Variants in AFAP1 observed in about 807,000 individuals in gnomAD.
AFAP1 encodes actin filament associated protein 1.
In AFAP1, 75 loss-of-function variants were observed where a neutral mutation model predicts 93.9. The ratio of observed to expected loss-of-function variants is 0.80; its 90% CI spans 0.66 to 0.97. The LOEUF is 0.97. Ranked by LOEUF, AFAP1 falls within the 50% of genes least tolerant of loss-of-function variation. The pLI, the probability that AFAP1 is intolerant of heterozygous loss-of-function variation, is 0.00. For synonymous variants in AFAP1, 517 were observed against 430.7 expected (o/e 1.20, Z -2.48); for missense variants, 1,201 against 1,050.8 (o/e 1.14, Z -1.98).
intron 12 of AFAP1, among the ~76,000 whole-genome samples, chr4:7,785,117 T>A (rs184967681): frequency 1.3e-5 from 2 of 152,190 alleles, no homozygotes; most frequent in Admixed American, 6.5e-5. Context: ...CTGCTAACTG[T>A]GAAGGCCTCA....
intron 1 of AFAP1, among the ~76,000 whole-genome samples, chr4:7,879,699 C>CTTTTTTTTTTTTTTTTTTT (rs552211338): frequency 8.2e-6 from 1 of 121,718 alleles, no homozygotes; most frequent in Admixed American, 9.2e-5. Context: ...TGCTTGCTTG[C>CTTTTTTTTTTTTTTTTTTT]TTTTTTTTTT....
At chr4:7,894,549 C>G (rs369127176) in intron 1 of AFAP1, among the ~76,000 whole-genome samples, 1 of 152,130 alleles carries the variant, frequency 6.6e-6, no homozygotes, top group African/African-American at 2.4e-5. Context: ...GAGGCCAGCC[C>G]GCTTTGTGAA....
Position 7,843,293 on chromosome 4 carries a change from T to G in AFAP1, c.392A>C (p.Asp131Ala). 1.2e-6 allele frequency: 2 copies of G among 1,613,966 alleles called. No individual in the cohort carries two copies. Among genetic ancestry groups the G allele is most frequent in the Non-Finnish European group, 1.7e-6 (2 of 1,179,980 alleles). The change falls in exon 5 of 18, where the codon GAT becomes GCT. Residue 131 changes from aspartate (D) to alanine (A), a missense_variant. Physicochemically the swap from Asp to Ala is moderately radical, Grantham distance 126. Transcript: ENST00000420658. ...GTGCCGGGTTTTCTTCCCCTTCCCA[T>G]CCTCCTCCTCTTCATCATACGACTC... ...SYESYDEEEE[D>A]GKGKKTRHQW... is the part of the protein sequence containing the mutation.
At chr4:7,793,569 T>C in intron 11 of AFAP1, 112 bp downstream of exon 11, 1 of 1,192,168 alleles carries the variant, frequency 8.4e-7, no homozygotes, top group Non-Finnish European at 1.1e-6. Flanking sequence ...AAAGGGAAAG[T>C]CTTTAGTTTT....
At chr4:7,802,237 G>GGT (rs1719114228) in intron 9 of AFAP1, among the ~76,000 whole-genome samples, 1 of 150,918 alleles carries the variant, frequency 6.6e-6, no homozygotes, top group African/African-American at 2.4e-5. Context: ...TTTCATCTGG[G>GGT]GTGTGGGCTG....
At chr4:7,892,687 T>G (rs28370977) in intron 1 of AFAP1, among the ~76,000 whole-genome samples, 67,469 of 151,948 alleles carry the variant, frequency 0.44, 17,204 homozygotes, top group Non-Finnish European at 0.6. Flanking sequence ...CCAGGGTGCC[T>G]AGAACACGAA....
intron 1 of AFAP1, among the ~76,000 whole-genome samples, chr4:7,901,454 G>A (rs900771215): frequency 3.3e-5 from 5 of 152,230 alleles, no homozygotes; most frequent in African/African-American, 9.6e-5. Flanking sequence ...GGTGCTAAAT[G>A]ATCACCAGGC....
At position 7,787,224 on chromosome 4, in the gene AFAP1, G is replaced by A. The variant is rs562445504; in HGVS notation, c.1413-913C>T. ...CCCGGAGCTTCTGGACTGTGTGTAT[G>A]CGGCGGTGCCGGGAGCGTGGTGCGC... On this transcript the variant is annotated intron_variant, in intron 11 of 17. Coordinates refer to ENST00000420658, the MANE Select transcript of AFAP1 (RefSeq NM_001134647.2). 2.0e-5 allele frequency among the ~76,000 whole-genome samples: 3 copies of A among 152,372 alleles called. No individual in the cohort carries two copies. The South Asian group carries it at 6.2e-4, about 32-fold the overall frequency.
chr4:7,795,867 T>C (rs1161556586), intron 10 of AFAP1, among the ~76,000 whole-genome samples: 1 of 152,184 alleles, frequency 6.6e-6, no homozygotes, highest in Non-Finnish European at 1.5e-5. Flanking sequence ...TTCTTCACAG[T>C]TCATTGTATG....
At chr4:7,831,812 G>T (rs1560186434) in intron 6 of AFAP1, among the ~76,000 whole-genome samples, 1 of 152,238 alleles carries the variant, frequency 6.6e-6, no homozygotes, top group South Asian at 2.1e-4. Context: ...AAAAGCATGG[G>T]ATCGGGTGAA....
At chr4:7,930,145 C>G (rs1720983794) in intron 1 of AFAP1, among the ~76,000 whole-genome samples, 1 of 152,204 alleles carries the variant, frequency 6.6e-6, no homozygotes, top group African/African-American at 2.4e-5. Flanking sequence ...GTGCTTGGCA[C>G]TTACTTACTC....
intron 1 of AFAP1, among the ~76,000 whole-genome samples, chr4:7,924,326 G>C (rs886960663): frequency 6.6e-6 from 1 of 152,174 alleles, no homozygotes; most frequent in Admixed American, 6.5e-5. Flanking sequence ...CACTGATGAA[G>C]TGGAAAAGCT....
intron 4 of AFAP1, among the ~76,000 whole-genome samples, chr4:7,844,284 G>A (rs540337332): frequency 1.4e-5 from 2 of 145,916 alleles, no homozygotes; most frequent in South Asian, 4.8e-4. Context: ...CTTTTAAGAA[G>A]AGAGAGAGAG....
chr4:7,767,244 C>G (rs1349643550), intron 17 of AFAP1, among the ~76,000 whole-genome samples: 2 of 152,126 alleles, frequency 1.3e-5, no homozygotes, highest in African/African-American at 4.8e-5. Flanking sequence ...CTGAGGTGGC[C>G]CAGGATCACT....
chr4:7,875,645 G>A (rs1319054446), intron 1 of AFAP1, among the ~76,000 whole-genome samples: 3 of 150,944 alleles, frequency 2.0e-5, no homozygotes, highest in Non-Finnish European at 2.9e-5. Flanking sequence ...GGTGGGGGGC[G>A]GGACGGGGGG....
At chr4:7,933,678 T>G (rs1477302504) in intron 1 of AFAP1, among the ~76,000 whole-genome samples, 1 of 152,238 alleles carries the variant, frequency 6.6e-6, no homozygotes, top group African/African-American at 2.4e-5. Flanking sequence ...TAGCTAGTCC[T>G]GAGCTGATGG....
intron 6 of AFAP1, among the ~76,000 whole-genome samples, chr4:7,822,001 G>A (rs919860871): frequency 1.3e-5 from 2 of 152,194 alleles, no homozygotes; most frequent in Non-Finnish European, 2.9e-5. Context: ...TCAATGCAGT[G>A]ATCTGTGTGT....
chr4:7,877,251 C>A (rs947000872), intron 1 of AFAP1, among the ~76,000 whole-genome samples: 22 of 152,196 alleles, frequency 1.4e-4, no homozygotes, highest in African/African-American at 5.3e-4. Context: ...TGAGTGACTT[C>A]CACAGGAAGA....
intron 6 of AFAP1, among the ~76,000 whole-genome samples, chr4:7,827,576 A>AAAAAAAAAAAAAAC: frequency 6.8e-6 from 1 of 147,806 alleles, no homozygotes; most frequent in Non-Finnish European, 1.5e-5. Context: ...CTCCAAAAAA[A>AAAAAAAAAAAAAAC]AAAAAAAAAA....
Sources: gnomAD v4.1 joint callset for allele counts (sites outside exome capture counted in the v4.1 genomes callset) on GRCh38, gnomAD v4.1.1 for gene constraint, MANE v1.5 for transcripts, NCBI Gene and HGNC (gene_info 2026-07-23, HGNC 2026-07-21) for gene names.